RBPJ: variants seen among roughly 807,000 people sequenced by gnomAD.
The protein encoded by RBPJ is recombination signal binding protein for immunoglobulin kappa J region.
RBPJ carries 9 observed loss-of-function variants against 67.8 expected under a neutral mutation model. That is an observed-to-expected ratio of 0.13 (90% CI 0.08 to 0.23). The LOEUF (loss-of-function observed/expected upper bound fraction) is 0.23, where lower values mean the gene tolerates loss of function less well. Ranked by LOEUF, RBPJ falls within the 10% of genes least tolerant of loss-of-function variation. The pLI is 1.00. For synonymous variants in RBPJ, 198 were observed against 203.3 expected (o/e 0.97, Z 0.22); for missense variants, 305 against 595.6 (o/e 0.51, Z 5.08).
rs1298313773 is a variant in RBPJ, at chr4:26,292,034, A to T, written c.-166-70412A>T. Among the ~76,000 whole-genome samples the T allele has an allele frequency of 1.3e-5, 2 of 150,986 alleles. 1 individual carries two copies. The highest frequency in any genetic ancestry group is 3.0e-5 in the Non-Finnish European group (2 of 67,690). ...GATTACCACAATCAAGTTAGTTAAC[A>T]CATCCCTCACGTCACACTTTTACTT... On this transcript the variant is annotated intron_variant, in intron 1 of 4. Transcript: ENST00000512351.
chr4:26,109,971 G>A, the RBPJ span, among the ~76,000 whole-genome samples: 52,910 of 151,476 alleles, frequency 0.35, 10,669 homozygotes, highest in African/African-American at 0.54. Context: ...AGATCCCATA[G>A]CTTTCTCCGT....
At chr4:26,241,004 T>C (rs1719616610) in intron 1 of RBPJ, among the ~76,000 whole-genome samples, 1 of 151,998 alleles carries the variant, frequency 6.6e-6, no homozygotes, top group South Asian at 2.1e-4. Flanking sequence ...AGTTGTGAAG[T>C]TGAAGCCTGA....
intron 1 of RBPJ, among the ~76,000 whole-genome samples, chr4:26,364,772 C>T (rs1035047660): frequency 2.0e-4 from 31 of 151,698 alleles, no homozygotes; most frequent in African/African-American, 6.3e-4. Flanking sequence ...ATTACAGGCG[C>T]GAGCCACCAT....
the RBPJ span, among the ~76,000 whole-genome samples, chr4:26,114,386 G>A: frequency 2.0e-5 from 3 of 151,096 alleles, no homozygotes; most frequent in Non-Finnish European, 2.9e-5. Context: ...GAACCCGGGA[G>A]ATGGAGCTTG....
intron 5 of RBPJ, among the ~76,000 whole-genome samples, chr4:26,423,592 T>TA (rs1347443513): frequency 6.6e-6 from 1 of 152,154 alleles, no homozygotes; most frequent in Non-Finnish European, 1.5e-5. Context: ...CACTAGGAGG[T>TA]ATATTATGTC....
At chr4:26,413,158 C>T (rs969849171) in intron 3 of RBPJ, among the ~76,000 whole-genome samples, 9 of 152,174 alleles carry the variant, frequency 5.9e-5, no homozygotes, top group Admixed American at 1.3e-4. Flanking sequence ...GTACTCCAGC[C>T]GCTCTGGTCT....
In RBPJ at chr4:26,342,093, C is replaced by T. The variant is rs73809419; in HGVS notation, c.20+21045C>T. The stretch of plus-strand genomic sequence containing the variant: ...GACCCCATCTCCAGAGTTTCTGACA[C>T]AAAAGGTCTGCAGTGGAACTCCAAG... On this transcript the variant is annotated intron_variant, in intron 1 of 10. Coordinates refer to ENST00000355476, the MANE Select transcript of RBPJ (RefSeq NM_015874.6). 5.6e-3 allele frequency among the ~76,000 whole-genome samples: 847 copies of T among 152,218 alleles called. 12 individuals carry two copies. The highest frequency in any genetic ancestry group is 0.02 in the African/African-American group (823 of 41,538).
rs558318698 is a variant in RBPJ at position 26,223,112 on chromosome 4, G to A, written c.-167+59498G>A. 5.8e-3 allele frequency among the ~76,000 whole-genome samples: 861 copies of A among 147,614 alleles called. 5 individuals carry two copies. Among genetic ancestry groups the A allele is most frequent in the Non-Finnish European group, 9.7e-3 (657 of 67,612 alleles). Reference sequence around the variant, plus strand: ...AGAGGTTGCAGTGAGCCAAGATTGCGCCATCGCACTCCAGCCTGGGCAACA... The same window carrying A: ...AGAGGTTGCAGTGAGCCAAGATTGCACCATCGCACTCCAGCCTGGGCAACA... On this transcript the variant is annotated intron_variant, in intron 1 of 4. Transcript: ENST00000512351.
intron 1 of RBPJ, among the ~76,000 whole-genome samples, chr4:26,188,315 C>A (rs1717351337): frequency 6.6e-6 from 1 of 152,270 alleles, no homozygotes; most frequent in East Asian, 1.9e-4. Context: ...ATAAAAGGAT[C>A]TTAATAAATC....
intron 1 of RBPJ, among the ~76,000 whole-genome samples, chr4:26,255,403 C>CAAAAAAAA (rs766336628): frequency 4.3e-4 from 15 of 34,548 alleles, no homozygotes; most frequent in African/African-American, 2.1e-3. Context: ...GACTCCGTCT[C>CAAAAAAAA]AAAAAAAAAA....
the RBPJ span, among the ~76,000 whole-genome samples, chr4:26,155,592 G>A: frequency 4.6e-3 from 703 of 152,052 alleles, 3 homozygotes; most frequent in African/African-American, 0.016. Context: ...GCACCACCAC[G>A]CCTGGCTAAT....
chr4:26,349,158 C>T (rs531616644), intron 1 of RBPJ, among the ~76,000 whole-genome samples: 19 of 152,192 alleles, frequency 1.2e-4, no homozygotes, highest in East Asian at 3.9e-4. Context: ...GCCTTGACCC[C>T]GGGGGCTCAA....
chr4:26,279,363 C>T (rs1721182243), intron 1 of RBPJ, among the ~76,000 whole-genome samples: 2 of 152,166 alleles, frequency 1.3e-5, no homozygotes, highest in Admixed American at 1.3e-4. Context: ...TCACTGCAAC[C>T]TCCGCCTCCC....
intron 1 of RBPJ, among the ~76,000 whole-genome samples, chr4:26,313,705 A>T (rs141011247): frequency 1.3e-5 from 2 of 151,736 alleles, no homozygotes; most frequent in African/African-American, 4.8e-5. Context: ...GCATGGTGGC[A>T]TGTACCTGTA....
intron 2 of RBPJ, among the ~76,000 whole-genome samples, chr4:26,400,416 G>C (rs898477560): frequency 2.0e-5 from 3 of 152,230 alleles, no homozygotes; most frequent in Non-Finnish European, 2.9e-5. Flanking sequence ...ATTTTGCCCA[G>C]GATGTCAGCA....
chr4:26,262,553 T>G (rs1417746470), intron 1 of RBPJ, among the ~76,000 whole-genome samples: 2 of 152,202 alleles, frequency 1.3e-5, no homozygotes, highest in Non-Finnish European at 2.9e-5. Flanking sequence ...CTCCCACATC[T>G]TCTTTGAAGA....
Position 26,424,799 on chromosome 4 carries a change from C to A in RBPJ, c.747+56C>A. 9.9e-7 allele frequency: 1 copy of A among 1,007,674 alleles called. No homozygotes were observed. Among genetic ancestry groups the A allele is most frequent in the Non-Finnish European group, 1.5e-6 (1 of 652,022 alleles). The allele number at this position is 1,007,674 out of a possible 1,614,324, so 62.4% of individuals were successfully genotyped here. A position where few individuals can be genotyped will look rare whatever the true frequency, so the allele number is the denominator to read the frequency against. ...GTGAAGTAAAAATTAATTTCTTAAACAGGAAAATCACAACATTCAAATGGA... is the reference window on the plus strand; with the variant it reads ...GTGAAGTAAAAATTAATTTCTTAAAAAGGAAAATCACAACATTCAAATGGA... On this transcript the variant is annotated intron_variant, in intron 7 of 10. Transcript: ENST00000355476. This position sits in a 1 kb window ranked among gnomAD's most constrained non-coding sequence, Gnocchi z 5.3.
At chr4:26,152,223 T>A in the RBPJ span, among the ~76,000 whole-genome samples, 1 of 152,242 alleles carries the variant, frequency 6.6e-6, no homozygotes, top group Admixed American at 6.5e-5. Flanking sequence ...GCTATGGGAC[T>A]TGTGTTGGCT....
At chr4:26,346,196 G>A (rs1052373900) in intron 1 of RBPJ, among the ~76,000 whole-genome samples, 4 of 152,172 alleles carry the variant, frequency 2.6e-5, no homozygotes, top group African/African-American at 9.7e-5. Flanking sequence ...TTCAGGAGTG[G>A]AGGTTTAATA....
Sources: gnomAD v4.1 joint callset for allele counts (sites outside exome capture counted in the v4.1 genomes callset) on GRCh38, gnomAD v4.1.1 for gene constraint, Gnocchi (gnomAD v3.1) non-coding constraint, MANE v1.5 for transcripts, NCBI Gene and HGNC (gene_info 2026-07-23, HGNC 2026-07-21) for gene names.